The following PKN3 variants were observed in gnomAD, a reference collection of about 807,000 sequenced individuals.
PKN3 encodes the protein protein kinase N3.
A neutral mutation model predicts 113.1 loss-of-function variants in PKN3; 91 were observed. That is an observed-to-expected ratio of 0.80 (90% CI 0.68 to 0.96). The LOEUF (loss-of-function observed/expected upper bound fraction) is 0.96. Ranked by LOEUF, PKN3 falls within the 40% of genes least tolerant of loss-of-function variation. The pLI is 0.00. For synonymous variants in PKN3, 467 were observed against 499.0 expected (o/e 0.94, Z 0.85); for missense variants, 1,052 against 1,202.2 (o/e 0.88, Z 1.85).
chr9:128,716,866 C>G lies in PKN3; in HGVS notation c.1928C>G (p.Pro643Arg), dbSNP rs377160871. 45 of 1,613,952 alleles carry G rather than the reference C, an allele frequency of 2.8e-5. No homozygotes were observed. Among genetic ancestry groups the G allele is most frequent in the Non-Finnish European group, 3.2e-5 (38 of 1,180,016 alleles). ...GCCTGCTTTGTGACTGAGTTTGTGC[C>G]TGGTGGTGACCTCATGATGCAGATC... is the stretch of plus-strand genomic sequence containing the variant. ...SHACFVTEFV[P>R]GGDLMMQIHE... Residue 643 changes from proline (P) to arginine (R), a missense_variant, in exon 16 of 22, where the codon CCT becomes CGT. Pro to Arg is a moderately radical substitution (Grantham distance 103). Transcript: ENST00000291906.
intron 5 of PKN3, 43 bp downstream of exon 5, chr9:128,707,066 C>T: frequency 6.2e-7 from 1 of 1,612,426 alleles, no homozygotes; most frequent in East Asian, 2.2e-5. Flanking sequence ...TGGCTTGTTC[C>T]CATACCACCC....
chr9:128,719,113 G>A (rs1862439111), intron 18 of PKN3, among the ~76,000 whole-genome samples: 2 of 151,634 alleles, frequency 1.3e-5, no homozygotes, highest in Admixed American at 6.6e-5. Flanking sequence ...AGCGAGGATG[G>A]TCTCGATCTC....
chr9:128,704,418 C>T (rs1861946956), intron 1 of PKN3, among the ~76,000 whole-genome samples: 1 of 152,218 alleles, frequency 6.6e-6, no homozygotes, highest in South Asian at 2.1e-4. Context: ...CCCCTGGCTG[C>T]CTTCTCATGT....
chr9:128,702,796 A>C lies in PKN3; in HGVS notation c.-120A>C. 1 of 750,214 alleles carries C rather than the reference A, an allele frequency of 1.3e-6. No homozygotes were observed. Among genetic ancestry groups the C allele is most frequent in the Admixed American group, 2.6e-5 (1 of 38,468 alleles). 46.5% of individuals were successfully genotyped at this position (750,214 alleles called of 1,614,324 possible). A position where few individuals can be genotyped will look rare whatever the true frequency, so the allele number is the denominator to read the frequency against. On this transcript the variant is annotated 5_prime_UTR_variant, in exon 1 of 22. Coordinates refer to ENST00000291906, the MANE Select transcript of PKN3 (RefSeq NM_013355.5). ...AGCGGGTCTCGGGAGGGGGCGCCCG[A>C]TCCCGCGTCTCCGGCGCCGCTTCCC...
At chr9:128,714,698 C>G in intron 12 of PKN3, 34 bp downstream of exon 12, 1 of 1,347,018 alleles carries the variant, frequency 7.4e-7, no homozygotes, top group Non-Finnish European at 1.1e-6. Flanking sequence ...GCTCCTAGGG[C>G]CGGCTGGGGC....
At position 128,712,980 on chromosome 9, in the gene PKN3, G is replaced by A. The variant is rs1256946250; in HGVS notation, c.836-72G>A. On this transcript the variant is annotated intron_variant, in intron 6 of 21. Transcript: ENST00000291906. ...TCCTGGAGAGGGTGGCCTTCCTGGG[G>A]TCCCAGGACACCTTGGTGGTAGCAG... 18 of 1,492,962 alleles carry A rather than the reference G, an allele frequency of 1.2e-5. No individual in the cohort carries two copies. In the Admixed American group the frequency reaches 3.5e-4, roughly 29 times the overall value. 92.5% of individuals were successfully genotyped at this position (1,492,962 alleles called of 1,614,324 possible).
At chr9:128,705,156 T>A (rs1296638386) in intron 1 of PKN3, 147 bp from the exon 2 acceptor site, 1 of 1,023,626 alleles carries the variant, frequency 9.8e-7, no homozygotes, top group Non-Finnish European at 1.4e-6. Context: ...GCCTGAGCTC[T>A]AAGGGGAGAG....
intron 6 of PKN3, among the ~76,000 whole-genome samples, chr9:128,711,918 GT>G (rs34340369): frequency 0.88 from 132,747 of 150,432 alleles, 60,557 homozygotes; most frequent in Non-Finnish European, 1. Flanking sequence ...TGTTTTGTTT[GT>G]TTTTTTTTGA....
At chr9:128,711,385 C>T (rs951081524) in intron 6 of PKN3, among the ~76,000 whole-genome samples, 9 of 150,842 alleles carry the variant, frequency 6.0e-5, no homozygotes, top group African/African-American at 2.2e-4. Flanking sequence ...CGGCTCACTG[C>T]AAGCTCTGCC....
chr9:128,718,725 T>C, intron 18 of PKN3, 100 bp downstream of exon 18: 1 of 1,131,372 alleles, frequency 8.8e-7, no homozygotes, highest in Non-Finnish European at 1.3e-6. Flanking sequence ...TCTCCTCACC[T>C]GCGGATGCCC....
At position 128,715,869 on chromosome 9, in the gene PKN3, G is replaced by A. The variant is rs1266410698; in HGVS notation, c.1808+409G>A. 6.6e-6 allele frequency among the ~76,000 whole-genome samples: 1 copy of A among 152,050 alleles called. No individual in the cohort carries two copies. Among genetic ancestry groups the A allele is most frequent in the Non-Finnish European group, 1.5e-5 (1 of 68,032 alleles). Reference sequence around the variant, plus strand: ...TCTATAAAAAATAGCCAGACATGGTGGCATGTGCCTTTAGTCCCAGCTACT... The same window carrying A: ...TCTATAAAAAATAGCCAGACATGGTAGCATGTGCCTTTAGTCCCAGCTACT... On this transcript the variant is annotated intron_variant, in intron 15 of 21. Transcript: ENST00000291906. This position sits in a 1 kb window ranked among gnomAD's most constrained non-coding sequence, Gnocchi z 4.1.
chr9:128,705,293 G>A lies in PKN3; in HGVS notation c.25-10G>A, dbSNP rs1463099400. The A allele has an allele frequency of 1.0e-5, 16 of 1,550,420 alleles. No homozygotes were observed. The highest frequency in any genetic ancestry group is 1.7e-4 in the Middle Eastern group (1 of 5,974). The stretch of plus-strand genomic sequence containing the variant: ...TGTTCTCCACCCTCTGCTTTCCACC[G>A]GCTCTGCAGCCTGGGCCGAGCCAGT... On this transcript the variant is annotated splice_polypyrimidine_tract_variant and intron_variant, in intron 1 of 21. Coordinates refer to ENST00000291906, the MANE Select transcript of PKN3 (RefSeq NM_013355.5).
intron 4 of PKN3, 33 bp downstream of exon 4, chr9:128,706,857 G>C (rs755949714): frequency 2.3e-5 from 37 of 1,613,462 alleles, no homozygotes; most frequent in Non-Finnish European, 3.1e-5. Flanking sequence ...GGGCGGAGCA[G>C]GGAAGAGCAG....
intron 18 of PKN3, among the ~76,000 whole-genome samples, chr9:128,718,886 G>C: frequency 3.0e-5 from 1 of 33,036 alleles, no homozygotes; most frequent in South Asian, 2.5e-3. Flanking sequence ...TCTGCCTTCT[G>C]TTTTTTTTTT....
Position 128,707,020 on chromosome 9 carries a change from T to C in PKN3, c.648T>C (p.Ala216=). The change falls in exon 5 of 22, where the codon GCT becomes GCC. Residue 216 remains alanine (A), a synonymous_variant. Transcript: ENST00000291906. ...SRRTQDRKAL[A]EAQAQLQESS... Reference sequence around the variant, plus strand: ...GAACACAGGACCGCAAGGCACTGGCTGAGGTCAGGCCCCAGCCCTGGCCCT... The same window carrying C: ...GAACACAGGACCGCAAGGCACTGGCCGAGGTCAGGCCCCAGCCCTGGCCCT... 3.1e-6 allele frequency: 5 copies of C among 1,613,956 alleles called. No homozygotes were observed. The highest frequency in any genetic ancestry group is 4.2e-6 in the Non-Finnish European group (5 of 1,179,936).
At chr9:128,704,071 C>T (rs1362258790) in intron 1 of PKN3, 1 of 985,308 alleles carries the variant, frequency 1.0e-6, no homozygotes, top group East Asian at 1.1e-4. Context: ...TGGGGGGGTC[C>T]CTGAGTCTGG....
chr9:128,703,283 G>C (rs1292300268), intron 1 of PKN3: 1 of 823,984 alleles, frequency 1.2e-6, no homozygotes, highest in East Asian at 1.2e-4. Context: ...CTCCAAGGCC[G>C]ACGGGAATTA....
chr9:128,720,426 C>A lies in PKN3; in HGVS notation c.2490C>A (p.Thr830=), dbSNP rs766916950. The change falls in exon 22 of 22, where the codon ACC becomes ACA. Residue 830 remains threonine, a synonymous_variant. Transcript: ENST00000291906. The surrounding 1 kb of genome is among the most constrained non-coding windows in gnomAD (Gnocchi z 5.5). ...TTNWQALLAR[T]IQPPFVPTLC... ...ACTGGCAAGCCCTGCTCGCCCGCAC[C>A]ATCCAGCCCCCCTTCGTGCCTACCC... 2.0e-5 allele frequency: 32 copies of A among 1,613,262 alleles called. No individual in the cohort carries two copies. The East Asian group carries it at 6.7e-4, about 34-fold the overall frequency.
intron 9 of PKN3, among the ~76,000 whole-genome samples, 199 bp from the exon 10 acceptor site, chr9:128,713,847 C>T (rs1181315803): frequency 6.6e-6 from 1 of 152,194 alleles, no homozygotes. Context: ...AGGTGTGACC[C>T]TGGAAAAGTG....
Sources: gnomAD v4.1 joint callset for allele counts (sites outside exome capture counted in the v4.1 genomes callset) on GRCh38, gnomAD v4.1.1 for gene constraint, Gnocchi (gnomAD v3.1) non-coding constraint, MANE v1.5 for transcripts, NCBI Gene and HGNC (gene_info 2026-07-23, HGNC 2026-07-21) for gene names.